The following TMEM117 variants were observed in gnomAD, a reference collection of about 807,000 sequenced individuals.
The protein encoded by TMEM117 is transmembrane protein 117.
TMEM117 carries 27 observed loss-of-function variants against 52.4 expected under a neutral mutation model. That is an observed-to-expected ratio of 0.51 (90% CI 0.38 to 0.71). The LOEUF is 0.71. Ranked by LOEUF, TMEM117 falls within the 30% of genes least tolerant of loss-of-function variation. The pLI is 0.00. For synonymous variants in TMEM117, 215 were observed against 206.3 expected, an observed-to-expected ratio of 1.04 and a Z score of -0.36; for missense variants, 556 against 630.5, an observed-to-expected ratio of 0.88 and a Z score of 1.26.
In TMEM117 at chr12:43,880,517, A is replaced by G. The variant is rs566782053; in HGVS notation, c.277+35589A>G. Among the ~76,000 whole-genome samples, 11 of 152,308 alleles carry G rather than the reference A, an allele frequency of 7.2e-5. No homozygotes were observed. In the South Asian group the frequency reaches 2.3e-3, roughly 32 times the overall value. On this transcript the variant is annotated intron_variant, in intron 2 of 7. Coordinates refer to ENST00000266534, the MANE Select transcript of TMEM117 (RefSeq NM_032256.3). ...AAATTTGGGGAGTATAAGGAATTGC[A>G]GATGAATGCCAGCTCCTCCTGGGCA... is the stretch of plus-strand genomic sequence containing the variant.
chr12:44,144,516 A>C (rs967997618), intron 4 of TMEM117, among the ~76,000 whole-genome samples: 1 of 152,234 alleles, frequency 6.6e-6, no homozygotes, highest in East Asian at 1.9e-4. Context: ...GATATGTCCC[A>C]GATATTGTAG....
At chr12:44,180,723 G>A (rs1369835379) in intron 4 of TMEM117, among the ~76,000 whole-genome samples, 3 of 152,004 alleles carry the variant, frequency 2.0e-5, no homozygotes, top group Non-Finnish European at 4.4e-5. Flanking sequence ...ATGGTGTAAT[G>A]TGCCACATTT....
chr12:43,844,015 C>T (rs1943157995), intron 1 of TMEM117, among the ~76,000 whole-genome samples: 1 of 152,100 alleles, frequency 6.6e-6, no homozygotes, highest in Non-Finnish European at 1.5e-5. Context: ...CTCATTTTAC[C>T]TCTATATTGT....
rs183996590 is a variant in TMEM117 at position 44,334,476 on chromosome 12, G to A, written c.768+34737G>A. Among the ~76,000 whole-genome samples, 437 of 152,132 alleles carry A rather than the reference G, an allele frequency of 2.9e-3. 1 individual carries two copies. Among genetic ancestry groups the A allele is most frequent in the African/African-American group, 0.01 (417 of 41,528 alleles). ...TTGAAAAGGCATGGTGCAGCTCTGG[G>A]CCTCAGGTGAACCCTAAGTCTTTTT... On this transcript the variant is annotated intron_variant, in intron 6 of 7. Coordinates refer to ENST00000266534, the MANE Select transcript of TMEM117 (RefSeq NM_032256.3).
chr12:44,195,730 G>A (rs1949410120), intron 4 of TMEM117, among the ~76,000 whole-genome samples: 1 of 151,896 alleles, frequency 6.6e-6, no homozygotes, highest in Non-Finnish European at 1.5e-5. Context: ...AAACTTGTAT[G>A]TACCATATAA....
chr12:43,967,656 A>G (rs2137680686), intron 3 of TMEM117, among the ~76,000 whole-genome samples: 1 of 152,238 alleles, frequency 6.6e-6, no homozygotes, highest in Middle Eastern at 3.4e-3. Flanking sequence ...CCATGAGATG[A>G]TTATAGCCTC....
the TMEM117 span, among the ~76,000 whole-genome samples, chr12:43,826,961 AC>A: frequency 6.6e-6 from 1 of 151,808 alleles, no homozygotes; most frequent in South Asian, 2.1e-4. Context: ...TGACCAAAAT[AC>A]CCTTTTGACA....
At chr12:44,228,501 A>G (rs1949891865) in intron 5 of TMEM117, among the ~76,000 whole-genome samples, 1 of 152,144 alleles carries the variant, frequency 6.6e-6, no homozygotes, top group Non-Finnish European at 1.5e-5. Flanking sequence ...TACAGACCTA[A>G]ATAAATAAAA....
intron 4 of TMEM117, among the ~76,000 whole-genome samples, chr12:44,151,783 T>C (rs1948729169): frequency 6.8e-6 from 1 of 146,850 alleles, no homozygotes; most frequent in African/African-American, 2.5e-5. Flanking sequence ...TCACCTTTTA[T>C]TTAGTGCCTC....
At chr12:43,815,248 G>T in the TMEM117 span, among the ~76,000 whole-genome samples, 1 of 152,094 alleles carries the variant, frequency 6.6e-6, no homozygotes, top group Admixed American at 6.5e-5. Flanking sequence ...TTATATTATT[G>T]GTTATCTTTC....
intron 3 of TMEM117, among the ~76,000 whole-genome samples, chr12:43,951,739 GC>G (rs1592388018): frequency 8.1e-6 from 1 of 123,000 alleles, no homozygotes; most frequent in South Asian, 2.2e-4. Context: ...ATTGATGAGG[GC>G]TCTGATCCTG....
At chr12:43,939,509 T>G (rs1945009787) in intron 2 of TMEM117, among the ~76,000 whole-genome samples, 1 of 152,204 alleles carries the variant, frequency 6.6e-6, no homozygotes, top group South Asian at 2.1e-4. Flanking sequence ...TTTCTATCAC[T>G]AAGGTTTTAT....
At chr12:44,231,377 TCTC>T (rs1949931158) in intron 5 of TMEM117, among the ~76,000 whole-genome samples, 1 of 151,820 alleles carries the variant, frequency 6.6e-6, no homozygotes, top group Non-Finnish European at 1.5e-5. Flanking sequence ...AAAAATCCAT[TCTC>T]CTCTCGATGG....
intron 6 of TMEM117, among the ~76,000 whole-genome samples, chr12:44,301,166 G>T (rs997411814): frequency 6.6e-6 from 1 of 152,048 alleles, no homozygotes; most frequent in South Asian, 2.1e-4. Flanking sequence ...TTCTTTGATT[G>T]TCCATTACCA....
chr12:44,345,749 GTTGTTA>G (rs1951477972), intron 6 of TMEM117, among the ~76,000 whole-genome samples: 1 of 151,950 alleles, frequency 6.6e-6, no homozygotes, highest in Non-Finnish European at 1.5e-5. Context: ...TTATTTCCTG[GTTGTTA>G]TTGTTATTTT....
At chr12:44,363,227 G>A (rs765540676) in intron 6 of TMEM117, among the ~76,000 whole-genome samples, 1 of 152,018 alleles carries the variant, frequency 6.6e-6, no homozygotes, top group Non-Finnish European at 1.5e-5. Flanking sequence ...GTCTCCAATT[G>A]CAAAATGAGA....
chr12:43,868,513 C>T (rs1376709316), intron 2 of TMEM117, among the ~76,000 whole-genome samples: 1 of 151,602 alleles, frequency 6.6e-6, no homozygotes, highest in Non-Finnish European at 1.5e-5. Context: ...GATGGTGCCA[C>T]TGCACTCCAG....
At chr12:44,130,548 G>A (rs893548715) in intron 3 of TMEM117, among the ~76,000 whole-genome samples, 2 of 152,040 alleles carry the variant, frequency 1.3e-5, no homozygotes, top group African/African-American at 4.8e-5. Flanking sequence ...CTTCTTTTCT[G>A]TGACAGTTTC....
At chr12:43,855,247 A>G (rs1007073955) in intron 2 of TMEM117, among the ~76,000 whole-genome samples, 3 of 151,888 alleles carry the variant, frequency 2.0e-5, no homozygotes, top group African/African-American at 7.3e-5. Context: ...GTACTTGACT[A>G]TGATAAGCAT....
Sources: gnomAD v4.1 joint callset for allele counts (sites outside exome capture counted in the v4.1 genomes callset) on GRCh38, gnomAD v4.1.1 for gene constraint, MANE v1.5 for transcripts, NCBI Gene and HGNC (gene_info 2026-07-23, HGNC 2026-07-21) for gene names.